Variants in TMEM131L observed in about 807,000 individuals in gnomAD.
TMEM131L encodes the protein transmembrane 131 like.
TMEM131L carries 54 observed loss-of-function variants against 192.2 expected under a neutral mutation model. That is an observed-to-expected ratio of 0.28 (90% CI 0.23 to 0.35). The LOEUF (loss-of-function observed/expected upper bound fraction) is 0.35, where lower values mean the gene tolerates loss of function less well. Ranked by LOEUF, TMEM131L falls within the 10% of genes least tolerant of loss-of-function variation. TMEM131L has a pLI of 1.00. For synonymous variants in TMEM131L, 701 were observed against 704.9 expected (o/e 0.99, Z 0.09); for missense variants, 1,888 against 1,972.9 (o/e 0.96, Z 0.82).
chr4:153,557,202 A>G (rs1728529860), intron 6 of TMEM131L, 120 bp downstream of exon 6: 2 of 648,914 alleles, frequency 3.1e-6, no homozygotes, highest in East Asian at 2.8e-5. Flanking sequence ...GTTAAAATAC[A>G]AGACTGTTAG....
rs35115513 is a variant in TMEM131L, at chr4:153,580,809, C to CT, written c.661-11dup. The CT allele has an allele frequency of 2.1e-5, 33 of 1,560,914 alleles. No individual in the cohort carries two copies. The highest frequency in any genetic ancestry group is 2.6e-5 in the Non-Finnish European group (30 of 1,134,360). ...CCTTTTACTTAAAGTTCTTTTCCTC[C>CT]TTTTTTCTTCTTTTAGGCAGAAACC... On this transcript the variant is annotated splice_polypyrimidine_tract_variant and intron_variant, in intron 7 of 34. Transcript: ENST00000409959.
intron 3 of TMEM131L, among the ~76,000 whole-genome samples, chr4:153,483,837 A>G (rs1732117537): frequency 6.6e-6 from 1 of 152,114 alleles, no homozygotes; most frequent in Non-Finnish European, 1.5e-5. Flanking sequence ...AGTCAGGTAT[A>G]AGCTGACATT....
At chr4:153,617,744 C>A (rs1733091523) in intron 26 of TMEM131L, among the ~76,000 whole-genome samples, 1 of 152,112 alleles carries the variant, frequency 6.6e-6, no homozygotes, top group African/African-American at 2.4e-5. Flanking sequence ...GCTTATGCAT[C>A]ATAAACACAT....
chr4:153,490,653 T>G (rs780921604), intron 3 of TMEM131L, among the ~76,000 whole-genome samples: 6 of 151,938 alleles, frequency 3.9e-5, no homozygotes, highest in African/African-American at 7.3e-5. Context: ...AAACAAAAGC[T>G]TCTAGATTTA....
intron 7 of TMEM131L, among the ~76,000 whole-genome samples, chr4:153,576,444 A>G (rs1729948199): frequency 6.6e-6 from 1 of 152,222 alleles, no homozygotes; most frequent in Non-Finnish European, 1.5e-5. Context: ...GAAGAATCTT[A>G]ATTAAAATGG....
intron 3 of TMEM131L, among the ~76,000 whole-genome samples, chr4:153,540,325 C>T (rs1053754124): frequency 1.3e-5 from 2 of 151,920 alleles, no homozygotes; most frequent in African/African-American, 4.8e-5. Context: ...TGTGTTTTTT[C>T]ACTTCGTTAA....
chr4:153,514,707 GA>G (rs1734588465), intron 3 of TMEM131L, among the ~76,000 whole-genome samples: 1 of 151,928 alleles, frequency 6.6e-6, no homozygotes, highest in Admixed American at 6.6e-5. Flanking sequence ...TTTTTGTAAA[GA>G]AAATACTATA....
rs59852943 is a variant in TMEM131L, at chr4:153,545,290, C to CTTTTTTTTTTTTTTTTTTT, written c.240-4768_240-4767insTTTTTTTTTTTTTTTTTTT. Among the ~76,000 whole-genome samples, 851 of 132,176 alleles carry CTTTTTTTTTTTTTTTTTTT rather than the reference C, an allele frequency of 6.4e-3. 40 individuals are homozygous for CTTTTTTTTTTTTTTTTTTT. Among genetic ancestry groups the CTTTTTTTTTTTTTTTTTTT allele is most frequent in the East Asian group, 0.022 (85 of 3,932 alleles). The allele number at this position is 132,176 out of a possible 152,430, so 86.7% of individuals were successfully genotyped here. On this transcript the variant is annotated intron_variant, in intron 3 of 34. Transcript: ENST00000409959. Reference sequence around the variant, plus strand: ...CTCTTGTATCAGCCACTTTTTCAAACTTTTTTTTTTTTTTTGAGATGGAGT... The same window carrying CTTTTTTTTTTTTTTTTTTT: ...CTCTTGTATCAGCCACTTTTTCAAACTTTTTTTTTTTTTTTTTTTTTTTTTTTTTTTTTTGAGATGGAGT...
Position 153,584,972 on chromosome 4 carries a change from T to G in TMEM131L, c.1157+41T>G. On this transcript the variant is annotated intron_variant, in intron 12 of 34. Coordinates refer to ENST00000409959, the MANE Select transcript of TMEM131L (RefSeq NM_001131007.2). ...TTTCCCTGAAATCTTGTATGGTTGT[T>G]GTTGTTGTTTTCCCCTCTAGAAATG... is the stretch of plus-strand genomic sequence containing the variant. The G allele has an allele frequency of 5.6e-6, 8 of 1,423,796 alleles. 2 individuals are homozygous for G. In the Middle Eastern group the frequency reaches 1.4e-3, roughly 250 times the overall value. The allele number at this position is 1,423,796 out of a possible 1,614,324, so 88.2% of individuals were successfully genotyped here. A position where few individuals can be genotyped will look rare whatever the true frequency, so the allele number is the denominator to read the frequency against.
intron 4 of TMEM131L, among the ~76,000 whole-genome samples, chr4:153,551,982 G>A (rs1737660402): frequency 6.6e-6 from 1 of 152,064 alleles, no homozygotes; most frequent in Admixed American, 6.5e-5. Flanking sequence ...CCCGGGCTGG[G>A]CGGATCACTT....
At chr4:153,553,907 C>G (rs1050375275) in intron 4 of TMEM131L, among the ~76,000 whole-genome samples, 1 of 152,136 alleles carries the variant, frequency 6.6e-6, no homozygotes, top group Non-Finnish European at 1.5e-5. Context: ...AAAATAGAAT[C>G]TAAAAAATAG....
At chr4:153,501,067 A>G (rs1189261596) in intron 3 of TMEM131L, among the ~76,000 whole-genome samples, 1 of 152,244 alleles carries the variant, frequency 6.6e-6, no homozygotes, top group African/African-American at 2.4e-5. Flanking sequence ...GGGTACGCCA[A>G]GTACCCTGCA....
At chr4:153,531,933 C>T (rs1735930510) in intron 3 of TMEM131L, among the ~76,000 whole-genome samples, 1 of 152,196 alleles carries the variant, frequency 6.6e-6, no homozygotes, top group African/African-American at 2.4e-5. Flanking sequence ...CTGATTTCTG[C>T]CCTTCTCTTC....
intron 3 of TMEM131L, among the ~76,000 whole-genome samples, chr4:153,486,133 A>G (rs894635029): frequency 4.6e-5 from 7 of 152,156 alleles, no homozygotes; most frequent in African/African-American, 1.7e-4. Flanking sequence ...CTAGTATTAT[A>G]TGGTTCCTAG....
intron 3 of TMEM131L, among the ~76,000 whole-genome samples, chr4:153,487,591 CAG>C (rs1254458891): frequency 6.6e-6 from 1 of 152,072 alleles, no homozygotes; most frequent in Non-Finnish European, 1.5e-5. Flanking sequence ...GGCCCAGTAA[CAG>C]AAAGTCTCAG....
intron 3 of TMEM131L, among the ~76,000 whole-genome samples, chr4:153,545,892 T>A (rs1737137845): frequency 6.6e-6 from 1 of 152,066 alleles, no homozygotes; most frequent in South Asian, 2.1e-4. Flanking sequence ...TTTCTCCTGT[T>A]ATAGAAGCAA....
intron 3 of TMEM131L, among the ~76,000 whole-genome samples, chr4:153,497,758 A>T (rs1035476674): frequency 1.3e-5 from 2 of 151,540 alleles, no homozygotes; most frequent in African/African-American, 4.8e-5. Context: ...ACAAGCGTTA[A>T]TGCTTGGCTC....
At chr4:153,472,159 C>CA (rs1731204526) in intron 2 of TMEM131L, among the ~76,000 whole-genome samples, 2 of 152,178 alleles carry the variant, frequency 1.3e-5, no homozygotes, top group East Asian at 3.9e-4. Flanking sequence ...ACACACTAAA[C>CA]ACTATGAAGT....
intron 3 of TMEM131L, among the ~76,000 whole-genome samples, chr4:153,542,238 T>G (rs1736842570): frequency 6.6e-6 from 1 of 150,392 alleles, no homozygotes; most frequent in Middle Eastern, 3.2e-3. Context: ...GGAAGAGGAG[T>G]TAGAAAGGGA....
Sources: allele counts gnomAD v4.1 joint callset (sites outside exome capture counted in the v4.1 genomes callset), GRCh38; gene constraint gnomAD v4.1.1; transcripts MANE v1.5; gene names NCBI Gene and HGNC (gene_info 2026-07-23, HGNC 2026-07-21).